PRSS55: variants seen among roughly 807,000 people sequenced by gnomAD.
PRSS55 encodes the protein serine protease 55.
PRSS55 carries 41 observed loss-of-function variants against 23.6 expected under a neutral mutation model. The observed-to-expected ratio is 1.74, with a 90% CI of 1.35 to 2.26. The LOEUF is 2.26. Among genes scored for constraint, PRSS55 ranks in the 30% most tolerant of loss-of-function variants. The pLI is 0.00. For missense variants in PRSS55, 669 were observed against 439.1 expected (o/e 1.52, Z -4.68); for synonymous variants, 262 against 175.5 (o/e 1.49, Z -3.90).
downstream of PRSS55, chr8:10,540,206 A>G (rs1812609128): frequency 6.6e-6 from 1 of 152,314 alleles, no homozygotes; most frequent in African/African-American, 2.4e-5. Flanking sequence ...GGGGCGGACC[A>G]CAATTCACAA....
intron 1 of PRSS55, among the ~76,000 whole-genome samples, chr8:10,528,131 A>C (rs1690280365): frequency 6.6e-6 from 1 of 151,232 alleles, no homozygotes; most frequent in African/African-American, 2.4e-5. Context: ...CCTGGGAGGC[A>C]GAGGTTGCAG....
At chr8:10,536,580 C>T (rs527513264) in intron 4 of PRSS55, among the ~76,000 whole-genome samples, 2 of 152,240 alleles carry the variant, frequency 1.3e-5, no homozygotes, top group Admixed American at 6.5e-5. Flanking sequence ...TTCGTCACAG[C>T]GCTATTCACA....
chr8:10,531,446 A>C lies in PRSS55; in HGVS notation c.499A>C (p.Lys167Gln). 1 of 1,614,194 alleles carries C rather than the reference A, an allele frequency of 6.2e-7. No homozygotes were observed. The highest frequency in any genetic ancestry group is 1.3e-5 in the African/African-American group (1 of 75,072). The change falls in exon 3 of 5, where the codon AAG (lysine) becomes CAG (glutamine). Residue 167 changes from lysine to glutamine, a missense_variant. Lys to Gln is a moderately conservative substitution (Grantham distance 53, BLOSUM62 1). Coordinates refer to ENST00000328655, the MANE Select transcript of PRSS55 (RefSeq NM_198464.4). ...IALLLLASPI[K>Q]LDDLKVPICL... The stretch of plus-strand genomic sequence containing the variant: ...CTTGCTGCTGCTGGCTTCGCCCATC[A>C]AGCTCGATGACCTGAAGGTGCCCAT...
chr8:10,537,136 A>T (rs1465918190), intron 4 of PRSS55, among the ~76,000 whole-genome samples: 1 of 152,260 alleles, frequency 6.6e-6, no homozygotes, highest in Non-Finnish European at 1.5e-5. Context: ...GTATACGTCC[A>T]AAAGAAAGGA....
At chr8:10,533,357 G>C (rs745326914) in intron 4 of PRSS55, among the ~76,000 whole-genome samples, 1 of 152,130 alleles carries the variant, frequency 6.6e-6, no homozygotes, top group Non-Finnish European at 1.5e-5. Context: ...AGGAGGATTT[G>C]GTATCTATAT....
At chr8:10,529,365 G>T (rs149130180) in intron 1 of PRSS55, 142 bp from the exon 2 acceptor site, 2 of 822,160 alleles carry the variant, frequency 2.4e-6, no homozygotes, top group South Asian at 1.5e-5. Flanking sequence ...TGCCCCGCTC[G>T]GCAGCCTCAG....
At chr8:10,542,742 G>A (rs556957167), downstream of PRSS55, among the ~76,000 whole-genome samples, 152 of 151,914 alleles carry the variant, frequency 1.0e-3, no homozygotes, top group South Asian at 9.6e-3. Context: ...GTGTGGTGGC[G>A]GGTGCCTGTA....
At chr8:10,553,154 A>G (rs1271943323) in intron 4 of PRSS55, among the ~76,000 whole-genome samples, 1 of 152,108 alleles carries the variant, frequency 6.6e-6, no homozygotes, top group Admixed American at 6.5e-5. Flanking sequence ...GTGAGTTCTC[A>G]CGAGATCTGA....
intron 3 of PRSS55, among the ~76,000 whole-genome samples, chr8:10,532,092 T>TAGGGG (rs1812288764): frequency 6.6e-6 from 1 of 151,408 alleles, no homozygotes; most frequent in South Asian, 2.1e-4. Flanking sequence ...AGCAAATAGA[T>TAGGGG]AGGGGAGGGG....
Position 10,538,563 on chromosome 8 carries a change from G to A in PRSS55, c.829G>A (p.Gly277Arg), listed in dbSNP as rs1212688023. 1.2e-6 allele frequency: 2 copies of A among 1,614,020 alleles called. No individual in the cohort carries two copies. The highest frequency in any genetic ancestry group is 2.7e-5 in the African/African-American group (2 of 74,920). Residue 277 changes from glycine (G) to arginine (R), a missense_variant, in exon 5 of 5, where the codon GGA (glycine) becomes AGA (arginine). By Grantham distance (125) the Gly-to-Arg change is moderately radical. Transcript: ENST00000328655. ...VGIISWGKSC[G>R]EKNTPGIYTS... is the part of the protein sequence containing the mutation. ...CATCATAAGCTGGGGAAAGAGCTGTGGAGAGAAGAACACCCCAGGGATATA... is the reference window on the plus strand; with the variant it reads ...CATCATAAGCTGGGGAAAGAGCTGTAGAGAGAAGAACACCCCAGGGATATA...
chr8:10,538,807 G>A lies in PRSS55; in HGVS notation c.*14G>A. 6.5e-7 allele frequency: 1 copy of A among 1,534,322 alleles called. No homozygotes were observed. The highest frequency in any genetic ancestry group is 8.7e-7 in the Non-Finnish European group (1 of 1,142,888). ...ATTTTGTACTGATAATAAAATAGAG[G>A]CTATTCTTTCAACCGAGGGAGGGTG... is the stretch of plus-strand genomic sequence containing the variant. On this transcript the variant is annotated 3_prime_UTR_variant, in exon 5 of 5. Transcript: ENST00000328655.
intron 4 of PRSS55, among the ~76,000 whole-genome samples, chr8:10,545,365 T>C (rs1200873240): frequency 2.0e-5 from 3 of 152,162 alleles, no homozygotes; most frequent in African/African-American, 4.8e-5. Context: ...GCCTGGCTAA[T>C]TTTATTTTAT....
chr8:10,546,275 A>G (rs1413536639), intron 4 of PRSS55, among the ~76,000 whole-genome samples: 1 of 152,196 alleles, frequency 6.6e-6, no homozygotes, highest in Non-Finnish European at 1.5e-5. Context: ...AAAAACCATG[A>G]GCAAAGCCTG....
chr8:10,539,767 C>G (rs4240653), downstream of PRSS55, among the ~76,000 whole-genome samples: 111,226 of 152,184 alleles, frequency 0.73, 40,862 homozygotes, highest in African/African-American at 0.8. Context: ...ATTGTGAGGC[C>G]TCTCCAGCTA....
intron 4 of PRSS55, among the ~76,000 whole-genome samples, chr8:10,547,173 T>C (rs2117079091): frequency 6.6e-6 from 1 of 152,264 alleles, no homozygotes; most frequent in East Asian, 1.9e-4. Flanking sequence ...CCCGCCACCC[T>C]TGTCACTCGA....
At chr8:10,548,268 A>T (rs115120357) in intron 4 of PRSS55, among the ~76,000 whole-genome samples, 2,064 of 152,226 alleles carry the variant, frequency 0.014, 52 homozygotes, top group African/African-American at 0.047. Flanking sequence ...ACTCCAGACC[A>T]GGCACGAGGG....
intron 4 of PRSS55, chr8:10,544,910 A>G (rs1812776699): frequency 1.6e-6 from 1 of 640,242 alleles, no homozygotes; most frequent in Non-Finnish European, 1.9e-6. Context: ...TGTCTCATAG[A>G]TTTTAAGAGA....
chr8:10,542,414 C>CGG (rs143347906), downstream of PRSS55, among the ~76,000 whole-genome samples: 11,367 of 79,676 alleles, frequency 0.14, 623 homozygotes, highest in Middle Eastern at 0.21. Context: ...AAGCACCATG[C>CGG]GGGGGAAAAA....
intron 4 of PRSS55, among the ~76,000 whole-genome samples, chr8:10,535,021 G>C (rs1196931157): frequency 6.6e-6 from 1 of 152,142 alleles, no homozygotes; most frequent in African/African-American, 2.4e-5. Flanking sequence ...GGAGGTGAAA[G>C]ATCTCTACAA....
Sources: gnomAD v4.1 joint callset for allele counts (sites outside exome capture counted in the v4.1 genomes callset) on GRCh38, gnomAD v4.1.1 for gene constraint, MANE v1.5 for transcripts, NCBI Gene and HGNC (gene_info 2026-07-23, HGNC 2026-07-21) for gene names.